Variants in WDR19 observed in about 807,000 individuals in gnomAD.
WDR19 encodes the protein WD repeat domain 19, also known as WD repeat-containing protein 19.
In WDR19, 121 loss-of-function variants were observed where a neutral mutation model predicts 180.0. That is an observed-to-expected ratio of 0.67 (90% confidence interval 0.58 to 0.78). The LOEUF (loss-of-function observed/expected upper bound fraction) is 0.78. Ranked by LOEUF, WDR19 falls within the 30% of genes least tolerant of loss-of-function variation. The probability of loss-of-function intolerance (pLI) is 0.00; values close to 1 mark genes in which losing one functional copy is unlikely to be tolerated. For synonymous variants in WDR19, 497 were observed against 540.7 expected (o/e 0.92, Z 1.12); for missense variants, 1,450 against 1,640.7 (o/e 0.88, Z 2.01).
chr4:39,185,753 T>A lies in WDR19; in HGVS notation c.34T>A (p.Trp12Arg). 6.4e-7 allele frequency: 1 copy of A among 1,558,900 alleles called. No homozygotes were observed. The highest frequency in any genetic ancestry group is 8.7e-7 in the Non-Finnish European group (1 of 1,150,498). The change falls in exon 2 of 37, where the codon TGG becomes AGG. Residue 12 changes from tryptophan to arginine, a missense_variant. Coordinates refer to ENST00000399820, the MANE Select transcript of WDR19 (RefSeq NM_025132.4). Reference protein sequence around the residue: ...KRIFSLLEKTWLGAPIQFAWQ... With the variant: ...KRIFSLLEKTRLGAPIQFAWQ... ...TATTTTCTCACTGCTAGAAAAGACT[T>A]GGCTTGGCGCACCAATACAGTTTGC...
chr4:39,265,022 G>T (rs193267624), intron 28 of WDR19, among the ~76,000 whole-genome samples: 20 of 150,604 alleles, frequency 1.3e-4, no homozygotes, highest in Admixed American at 6.6e-4. Flanking sequence ...GGTTCAAGCC[G>T]ATTCTCATGC....
chr4:39,252,569 TC>T (rs1260969346), intron 24 of WDR19, among the ~76,000 whole-genome samples: 2 of 151,814 alleles, frequency 1.3e-5, no homozygotes, highest in African/African-American at 4.8e-5. Flanking sequence ...TTCTATAGCC[TC>T]TGGAAATTAA....
intron 14 of WDR19, among the ~76,000 whole-genome samples, chr4:39,219,811 A>T (rs970246816): frequency 6.6e-6 from 1 of 152,238 alleles, no homozygotes; most frequent in Non-Finnish European, 1.5e-5. Flanking sequence ...TAAACTAGTT[A>T]TAGCATCTTA....
At chr4:39,203,190 C>T (rs1049621924) in intron 6 of WDR19, among the ~76,000 whole-genome samples, 2 of 150,408 alleles carry the variant, frequency 1.3e-5, no homozygotes, top group African/African-American at 2.5e-5. Context: ...GCCTCAAGCT[C>T]CTGGGCTCAA....
chr4:39,270,606 G>A (rs1425930744), intron 31 of WDR19, among the ~76,000 whole-genome samples: 1 of 152,074 alleles, frequency 6.6e-6, no homozygotes, highest in African/African-American at 2.4e-5. Flanking sequence ...TCAAACTTCT[G>A]ACCTCAAGTG....
chr4:39,203,854 A>C, intron 7 of WDR19, 132 bp downstream of exon 7: 4 of 878,812 alleles, frequency 4.6e-6, no homozygotes. Flanking sequence ...GCCAAGGTAG[A>C]GCTAGGTCTT....
At chr4:39,192,496 G>A (rs1275827033) in intron 4 of WDR19, among the ~76,000 whole-genome samples, 1 of 152,118 alleles carries the variant, frequency 6.6e-6, no homozygotes, top group Non-Finnish European at 1.5e-5. Flanking sequence ...TTGGAACGGA[G>A]GCTCCCTCTT....
intron 13 of WDR19, 132 bp from the exon 14 acceptor site, chr4:39,217,851 C>T (rs528237226): frequency 8.6e-7 from 1 of 1,162,368 alleles, no homozygotes; most frequent in African/African-American, 1.5e-5. Flanking sequence ...GATAGCTTTC[C>T]AACTAAACTG....
chr4:39,201,990 C>T (rs1727419892), intron 6 of WDR19, among the ~76,000 whole-genome samples: 2 of 152,086 alleles, frequency 1.3e-5, no homozygotes, highest in Admixed American at 6.6e-5. Context: ...TATGGTGTTA[C>T]TTGTATGGAT....
intron 36 of WDR19, among the ~76,000 whole-genome samples, chr4:39,281,555 G>A (rs1736546659): frequency 6.6e-6 from 1 of 151,872 alleles, no homozygotes; most frequent in Non-Finnish European, 1.5e-5. Flanking sequence ...GATTGTTTTG[G>A]CTGTTATTCT....
chr4:39,266,935 T>A (rs1346915880), intron 29 of WDR19, among the ~76,000 whole-genome samples: 2 of 152,028 alleles, frequency 1.3e-5, no homozygotes, highest in African/African-American at 4.8e-5. Context: ...AATATAAAAT[T>A]AGCCAGGCAT....
intron 30 of WDR19, among the ~76,000 whole-genome samples, chr4:39,268,373 A>AC (rs1244135931): frequency 2.0e-5 from 3 of 151,780 alleles, no homozygotes; most frequent in Non-Finnish European, 4.4e-5. Context: ...GTCTCCTCTC[A>AC]CCCCTCCAGC....
chr4:39,205,433 T>G, intron 8 of WDR19, 130 bp from the exon 9 acceptor site: 9 of 1,222,788 alleles, frequency 7.4e-6, no homozygotes, highest in Non-Finnish European at 9.0e-6. Flanking sequence ...TAGTATATTA[T>G]CTGACACAAA....
Position 39,253,179 on chromosome 4 carries a change from A to C in WDR19, c.2763A>C (p.Ala921=). ...AAGCTGTTGTAGCTTATGAAAATGC[A>C]AAACAGTGGCAAAGTGTAATCCGCA... ...YKEAVVAYEN[A]KQWQSVIRIY... Residue 921 remains alanine, a synonymous_variant, in exon 25 of 37, where the codon GCA becomes GCC. Coordinates refer to ENST00000399820, the MANE Select transcript of WDR19 (RefSeq NM_025132.4). 1 of 1,610,472 alleles carries C rather than the reference A, an allele frequency of 6.2e-7. No individual in the cohort carries two copies. The highest frequency in any genetic ancestry group is 8.5e-7 in the Non-Finnish European group (1 of 1,178,982).
chr4:39,237,379 A>G (rs981347375), intron 20 of WDR19, among the ~76,000 whole-genome samples: 11 of 151,888 alleles, frequency 7.2e-5, no homozygotes, highest in Admixed American at 6.6e-4. Context: ...TGGCAACATA[A>G]TGAGAACTTG....
intron 28 of WDR19, among the ~76,000 whole-genome samples, chr4:39,259,833 A>C (rs1734112949): frequency 6.6e-6 from 1 of 152,224 alleles, no homozygotes. Context: ...GACCACTTAC[A>C]TTCCAACAGG....
intron 5 of WDR19, among the ~76,000 whole-genome samples, chr4:39,197,059 T>C (rs1422285503): frequency 6.6e-6 from 1 of 152,208 alleles, no homozygotes; most frequent in Non-Finnish European, 1.5e-5. Context: ...CTTTGGTCAG[T>C]GCTTTAATTC....
At chr4:39,198,324 C>T (rs6839306) in intron 5 of WDR19, among the ~76,000 whole-genome samples, 5 of 151,764 alleles carry the variant, frequency 3.3e-5, no homozygotes, top group Admixed American at 2.6e-4. Flanking sequence ...TTTGGGAGGC[C>T]GAGGCGGGCG....
intron 7 of WDR19, 139 bp from the exon 8 acceptor site, chr4:39,205,015 T>G (rs1727797942): frequency 1.7e-6 from 1 of 587,132 alleles, no homozygotes; most frequent in African/African-American, 1.9e-5. Context: ...TTAGTCATAT[T>G]GTACTAGTTA....
Sources: allele counts gnomAD v4.1 joint callset (sites outside exome capture counted in the v4.1 genomes callset), GRCh38; gene constraint gnomAD v4.1.1; transcripts MANE v1.5; gene names NCBI Gene and HGNC (gene_info 2026-07-23, HGNC 2026-07-21).